The following YME1L1 variants were observed in gnomAD, a reference collection of about 807,000 sequenced individuals.
YME1L1 encodes the protein YME1 like 1 ATPase.
A neutral mutation model predicts 90.4 loss-of-function variants in YME1L1; 39 were observed. The ratio of observed to expected loss-of-function variants is 0.43; its 90% CI spans 0.33 to 0.56. The LOEUF (loss-of-function observed/expected upper bound fraction) is 0.56. YME1L1 is among the 20% of genes least tolerant of loss of function. YME1L1 has a pLI of 0.03. For synonymous variants in YME1L1, 284 were observed against 287.3 expected (o/e 0.99, Z 0.12); for missense variants, 617 against 868.4 (o/e 0.71, Z 3.64).
At chr10:27,121,676 C>T (rs2056868911) in intron 11 of YME1L1, among the ~76,000 whole-genome samples, 1 of 151,964 alleles carries the variant, frequency 6.6e-6, no homozygotes, top group Non-Finnish European at 1.5e-5. Flanking sequence ...AGGTGCATGC[C>T]AACATATCTG....
intron 4 of YME1L1, among the ~76,000 whole-genome samples, chr10:27,140,062 C>T (rs1428785214): frequency 6.6e-6 from 1 of 151,812 alleles, no homozygotes; most frequent in Non-Finnish European, 1.5e-5. Context: ...GATGGAGGTG[C>T]CATCTTGGCT....
chr10:27,148,822 G>A, intron 2 of YME1L1, 84 bp downstream of exon 2: 1 of 1,551,530 alleles, frequency 6.4e-7, no homozygotes, highest in Non-Finnish European at 8.7e-7. Flanking sequence ...TACGGGGGAG[G>A]GACAATATCC....
intron 13 of YME1L1, 27 bp from the exon 14 acceptor site, chr10:27,119,476 A>T: frequency 6.3e-7 from 1 of 1,594,134 alleles, no homozygotes; most frequent in Non-Finnish European, 8.5e-7. Flanking sequence ...ACACAACGCT[A>T]ATAAGTCTAA....
chr10:27,132,645 C>A (rs1323065746), intron 7 of YME1L1, among the ~76,000 whole-genome samples: 1 of 151,660 alleles, frequency 6.6e-6, no homozygotes, highest in Non-Finnish European at 1.5e-5. Context: ...CGGTGAAACG[C>A]CGTCTCTACT....
intron 6 of YME1L1, 144 bp downstream of exon 6, chr10:27,134,687 G>A (rs912178540): frequency 1.6e-5 from 13 of 806,778 alleles, no homozygotes; most frequent in Middle Eastern, 3.5e-4. Context: ...CAGCAGTATC[G>A]CCATTTCTAC....
rs115466654 is a variant in YME1L1, at chr10:27,142,316, T to C, written c.430+71A>G. On this transcript the variant is annotated intron_variant, in intron 4 of 18. Transcript: ENST00000376016. Reference sequence around the variant, plus strand: ...AAATGAATGTTTAGAATTAATACCATTAAGAAAGACAAATCAGACTATAGT... The same window carrying C: ...AAATGAATGTTTAGAATTAATACCACTAAGAAAGACAAATCAGACTATAGT... 860 of 908,266 alleles carry C rather than the reference T, an allele frequency of 9.5e-4. 8 individuals are homozygous for C. The African/African-American group carries it at 0.013, about 13-fold the overall frequency. The allele number at this position is 908,266 out of a possible 1,614,324, so 56.3% of individuals were successfully genotyped here.
At chr10:27,113,672 C>CAA (rs373714641) in intron 18 of YME1L1, among the ~76,000 whole-genome samples, 40 of 74,056 alleles carry the variant, frequency 5.4e-4, no homozygotes, top group African/African-American at 1.6e-3. Context: ...AACTCTGTCT[C>CAA]AAAAAAAAAA....
intron 18 of YME1L1, among the ~76,000 whole-genome samples, chr10:27,113,093 G>C (rs771391140): frequency 6.6e-6 from 1 of 151,528 alleles, no homozygotes; most frequent in African/African-American, 2.4e-5. Context: ...GGCAGCATGC[G>C]CTTATAGTCC....
chr10:27,136,612 C>T (rs2057030207), intron 4 of YME1L1, among the ~76,000 whole-genome samples: 1 of 152,064 alleles, frequency 6.6e-6, no homozygotes, highest in South Asian at 2.1e-4. Context: ...TTGCCTCAGC[C>T]TCCCAAAGAG....
At chr10:27,129,764 A>T (rs2056959019) in intron 8 of YME1L1, among the ~76,000 whole-genome samples, 1 of 152,066 alleles carries the variant, frequency 6.6e-6, no homozygotes, top group Non-Finnish European at 1.5e-5. Context: ...GACTTAATAT[A>T]AATTCATGAT....
intron 3 of YME1L1, among the ~76,000 whole-genome samples, chr10:27,145,135 C>T (rs916815254): frequency 4.0e-5 from 6 of 151,392 alleles, no homozygotes; most frequent in Non-Finnish European, 7.4e-5. Context: ...AAGGAGACTC[C>T]GTCTCAAAAA....
At chr10:27,147,246 A>G in intron 2 of YME1L1, 1 of 628,922 alleles carries the variant, frequency 1.6e-6, no homozygotes, top group Non-Finnish European at 2.7e-6. Context: ...TAATCCCAAC[A>G]CTTTTGAGAG....
chr10:27,133,951 C>G, intron 7 of YME1L1, 88 bp downstream of exon 7: 1 of 922,708 alleles, frequency 1.1e-6, no homozygotes, highest in Non-Finnish European at 1.7e-6. Context: ...TTAATATGTT[C>G]TTTCTTTAAG....
chr10:27,147,091 A>AAAAAATT (rs1233715518), intron 2 of YME1L1: 2 of 343,644 alleles, frequency 5.8e-6, no homozygotes. Context: ...TCAAGGAAAG[A>AAAAAATT]AAAAATTAAA....
chr10:27,153,638 C>G (rs925122416), intron 1 of YME1L1, among the ~76,000 whole-genome samples: 1 of 152,114 alleles, frequency 6.6e-6, no homozygotes, highest in Non-Finnish European at 1.5e-5. Context: ...AAACAGTTTA[C>G]GACTCGGAAA....
Position 27,134,981 on chromosome 10 carries a change from C to T in YME1L1, c.541G>A (p.Gly181Arg). The T allele has an allele frequency of 2.5e-6, 4 of 1,611,948 alleles. No individual in the cohort carries two copies. Among genetic ancestry groups the T allele is most frequent in the Non-Finnish European group, 3.4e-6 (4 of 1,179,842 alleles). ...TQNIAPSFVK[G>R]FLLRDRGSDV... ...GATCCTCTGTCCCGCAAAAGAAACC[C>T]CTGAATACACAAACAACACATCAGT... The change falls in exon 6 of 19, where the codon GGG (glycine) becomes AGG (arginine). Residue 181 changes from glycine to arginine, a missense_variant and splice_region_variant. Around this residue, in one of 4 missense-constraint regions of YME1L1, gnomAD observed 311 missense variants for 335.8 expected, o/e 0.93. Coordinates refer to ENST00000376016, the MANE Select transcript of YME1L1 (RefSeq NM_014263.4).
chr10:27,119,682 A>C (rs565070459), intron 13 of YME1L1, among the ~76,000 whole-genome samples: 44 of 152,158 alleles, frequency 2.9e-4, no homozygotes, highest in African/African-American at 9.4e-4. Flanking sequence ...GGTGGCATGC[A>C]CCTGTAATCC....
chr10:27,147,772 G>A (rs1285100919), intron 2 of YME1L1: 18 of 1,475,072 alleles, frequency 1.2e-5, no homozygotes, highest in Admixed American at 2.1e-5. Context: ...TGTCAATTGT[G>A]CAGTTTCACC....
chr10:27,126,927 C>A (rs1248083733), intron 8 of YME1L1, 141 bp from the exon 9 acceptor site: 6 of 572,508 alleles, frequency 1.0e-5, no homozygotes, highest in African/African-American at 2.0e-5. Context: ...AAAAAGCATA[C>A]AAAAATGGCC....
Sources: allele counts gnomAD v4.1 joint callset (sites outside exome capture counted in the v4.1 genomes callset), GRCh38; gene constraint gnomAD v4.1.1; regional missense constraint gnomAD v4.1.1; transcripts MANE v1.5; gene names NCBI Gene and HGNC (gene_info 2026-07-23, HGNC 2026-07-21).